Variants in RARB observed in about 807,000 individuals in gnomAD.
The protein encoded by RARB is HBV-activated protein.
Under a neutral mutation model 51.9 loss-of-function variants are expected in RARB, and 17 were observed. The observed-to-expected ratio is 0.33, with a 90% CI of 0.22 to 0.49. The LOEUF is 0.49. Ranked by LOEUF, RARB falls within the 20% of genes least tolerant of loss-of-function variation. The probability of loss-of-function intolerance (pLI) is 0.99; values close to 1 mark genes in which losing one functional copy is unlikely to be tolerated. For missense variants in RARB, 369 were observed against 550.8 expected (o/e 0.67, Z 3.30); for synonymous variants, 215 against 195.4 (o/e 1.10, Z -0.84).
At chr3:25,501,363 A>G (rs370588132) in intron 3 of RARB, 40 bp downstream of exon 3, 5 of 1,597,310 alleles carry the variant, frequency 3.1e-6, no homozygotes, top group Middle Eastern at 1.7e-4. Context: ...TGTTTTCCTT[A>G]TCTCTGTGAT....
At chr3:25,532,385 G>C (rs911896975) in intron 3 of RARB, among the ~76,000 whole-genome samples, 1 of 152,142 alleles carries the variant, frequency 6.6e-6, no homozygotes, top group Non-Finnish European at 1.5e-5. Context: ...TGTAAGATCA[G>C]ATGTTATTAA....
chr3:25,291,155 G>T (rs772642611), intron 5 of RARB, among the ~76,000 whole-genome samples: 9 of 152,116 alleles, frequency 5.9e-5, no homozygotes, highest in African/African-American at 1.4e-4. Flanking sequence ...ACCATGCAAT[G>T]ATTATAATCC....
At chr3:24,847,293 C>T (rs895083217) in intron 1 of RARB, among the ~76,000 whole-genome samples, 36 of 152,222 alleles carry the variant, frequency 2.4e-4, no homozygotes, top group African/African-American at 8.4e-4. Flanking sequence ...CACAGAATGA[C>T]TCTAGGCCCC....
intron 2 of RARB, among the ~76,000 whole-genome samples, chr3:24,906,294 G>T (rs915239835): frequency 1.3e-5 from 2 of 152,174 alleles, no homozygotes; most frequent in Non-Finnish European, 2.9e-5. Flanking sequence ...GCTGGGTTTA[G>T]AGAAGAATGG....
intron 3 of RARB, among the ~76,000 whole-genome samples, chr3:25,563,155 C>T (rs749111627): frequency 3.3e-5 from 5 of 152,174 alleles, no homozygotes; most frequent in African/African-American, 9.7e-5. Context: ...TCTTAGACTT[C>T]GAGGTTGTAG....
chr3:24,971,031 T>C (rs547292405), intron 2 of RARB, among the ~76,000 whole-genome samples: 2 of 152,130 alleles, frequency 1.3e-5, no homozygotes, highest in East Asian at 1.9e-4. Context: ...AGTATTCCAA[T>C]GTACTTTATT....
intron 5 of RARB, among the ~76,000 whole-genome samples, chr3:25,379,947 G>A (rs910605489): frequency 6.6e-6 from 1 of 152,096 alleles, no homozygotes; most frequent in Non-Finnish European, 1.5e-5. Context: ...GAAGAGGGAG[G>A]TGTATCCCCA....
chr3:25,181,076 G>A (rs1287428591), intron 5 of RARB, among the ~76,000 whole-genome samples: 1 of 152,186 alleles, frequency 6.6e-6, no homozygotes, highest in East Asian at 1.9e-4. Context: ...ACCAAAGTCA[G>A]TCCTCTTTTC....
chr3:25,253,697 C>T (rs1326618311), intron 5 of RARB, among the ~76,000 whole-genome samples: 2 of 152,094 alleles, frequency 1.3e-5, no homozygotes, highest in Non-Finnish European at 2.9e-5. Context: ...TAGTCAAAAG[C>T]TATAGCTCAC....
At chr3:25,591,206 C>G (rs1701597920) in intron 5 of RARB, among the ~76,000 whole-genome samples, 1 of 152,188 alleles carries the variant, frequency 6.6e-6, no homozygotes, top group South Asian at 2.1e-4. Context: ...ATTGCTAATT[C>G]ACTATGCCAC....
At chr3:25,303,988 C>T (rs982679509) in intron 5 of RARB, among the ~76,000 whole-genome samples, 3 of 152,110 alleles carry the variant, frequency 2.0e-5, no homozygotes, top group African/African-American at 7.2e-5. Flanking sequence ...CACTGAACGG[C>T]CCCAAAGCTC....
chr3:25,537,814 C>G (rs1699205120), intron 3 of RARB, among the ~76,000 whole-genome samples: 1 of 152,170 alleles, frequency 6.6e-6, no homozygotes, highest in Admixed American at 6.5e-5. Flanking sequence ...TACCCAGGGC[C>G]TTCTCCCAAC....
At position 24,916,224 on chromosome 3, in the gene RARB, T is replaced by C. The variant is rs115345042; in HGVS notation, c.-380+57472T>C. Among the ~76,000 whole-genome samples, 555 of 152,206 alleles carry C rather than the reference T, an allele frequency of 3.6e-3. 4 individuals are homozygous for C. The highest frequency in any genetic ancestry group is 0.012 in the African/African-American group (516 of 41,528). On this transcript the variant is annotated intron_variant, in intron 2 of 11. Coordinates refer to the RARB transcript ENST00000383772. ...CCTCTTTATGATTTTGAGGGAAATA[T>C]ATATCATTTCCCTCCATTCTAGTCA...
chr3:25,225,131 C>T (rs1369875), intron 5 of RARB, among the ~76,000 whole-genome samples: 1 of 152,018 alleles, frequency 6.6e-6, no homozygotes, highest in African/African-American at 2.4e-5. Flanking sequence ...ACTCTGACTC[C>T]CTTCATCTCT....
chr3:25,460,122 T>C (rs1695101795), intron 1 of RARB, among the ~76,000 whole-genome samples: 1 of 152,244 alleles, frequency 6.6e-6, no homozygotes, highest in Admixed American at 6.5e-5. Flanking sequence ...CTCTGTGTCA[T>C]CATTAGTTTT....
intron 2 of RARB, among the ~76,000 whole-genome samples, chr3:25,017,032 CA>C (rs1369982466): frequency 6.6e-6 from 1 of 152,044 alleles, no homozygotes; most frequent in Non-Finnish European, 1.5e-5. Flanking sequence ...AATGAGTCAC[CA>C]AAGTCAGCCC....
At chr3:25,367,263 G>C (rs1173397631) in intron 5 of RARB, among the ~76,000 whole-genome samples, 1 of 152,128 alleles carries the variant, frequency 6.6e-6, no homozygotes, top group Admixed American at 6.5e-5. Flanking sequence ...GGTAGCATTT[G>C]AGCAATCTCC....
intron 3 of RARB, among the ~76,000 whole-genome samples, chr3:25,084,708 C>T (rs1575153334): frequency 6.7e-6 from 1 of 150,360 alleles, no homozygotes; most frequent in South Asian, 2.1e-4. Context: ...ACTGCTATTG[C>T]ATTTTTCCTT....
At chr3:25,200,587 A>C (rs897021721) in intron 5 of RARB, among the ~76,000 whole-genome samples, 1 of 152,164 alleles carries the variant, frequency 6.6e-6, no homozygotes, top group Non-Finnish European at 1.5e-5. Context: ...CTAACATGTA[A>C]GTCTTTAATC....
Sources: allele counts gnomAD v4.1 joint callset (sites outside exome capture counted in the v4.1 genomes callset), GRCh38; gene constraint gnomAD v4.1.1; transcripts MANE v1.5; gene names NCBI Gene and HGNC (gene_info 2026-07-23, HGNC 2026-07-21).